The following CHD7 variants were observed in gnomAD, a reference collection of about 807,000 sequenced individuals.
CHD7 encodes the protein ATP-dependent chromatin remodeler CHD7.
Under a neutral mutation model 307.3 loss-of-function variants are expected in CHD7, and 24 were observed. That is an observed-to-expected ratio of 0.08 (90% CI 0.06 to 0.11). The LOEUF (loss-of-function observed/expected upper bound fraction) is 0.11. Ranked by LOEUF, CHD7 falls within the 10% of genes least tolerant of loss-of-function variation. The pLI is 1.00. For synonymous variants in CHD7, 1,363 were observed against 1,349.9 expected (o/e 1.01, Z -0.21); for missense variants, 3,106 against 3,727.1 (o/e 0.83, Z 4.34).
intron 1 of CHD7, among the ~76,000 whole-genome samples, chr8:60,708,586 G>C (rs748415569): frequency 2.0e-5 from 3 of 152,110 alleles, no homozygotes; most frequent in East Asian, 1.9e-4. Flanking sequence ...CTAACTGTAG[G>C]ATCTGCTCTT....
At chr8:60,824,061 T>A (rs1306417905) in intron 13 of CHD7, 45 bp downstream of exon 13, 1 of 1,546,348 alleles carries the variant, frequency 6.5e-7, no homozygotes, top group Admixed American at 1.7e-5. Context: ...AATAGAATTG[T>A]TGCTGACTTG....
chr8:60,747,819 G>A (rs1379944651), intron 2 of CHD7, among the ~76,000 whole-genome samples: 2 of 152,208 alleles, frequency 1.3e-5, no homozygotes, highest in Admixed American at 1.3e-4. Context: ...AGGGTGTCAG[G>A]ACTTCATTTC....
chr8:60,700,464 A>G (rs191284434), intron 1 of CHD7, among the ~76,000 whole-genome samples: 25 of 152,342 alleles, frequency 1.6e-4, no homozygotes, highest in Middle Eastern at 3.4e-3. Context: ...GATAAAGACA[A>G]TATTAAGCCC....
In CHD7 at chr8:60,865,882, A is replaced by G; in HGVS notation, c.8943A>G (p.Leu2981=). Residue 2981 remains leucine, a synonymous_variant, in exon 38 of 38, where the codon CTA becomes CTG. Transcript: ENST00000423902. This position sits in a 1 kb window ranked among gnomAD's most constrained non-coding sequence, Gnocchi z 4.3. ...LEDEIAQGEE[L]DSLDGGDEIE... is the part of the protein sequence containing the mutation. ...ACGAAATAGCACAGGGTGAAGAGCT[A>G]GACTCACTTGATGGGGGGGATGAAA... 1 of 1,611,444 alleles carries G rather than the reference A, an allele frequency of 6.2e-7. No homozygotes were observed.
chr8:60,764,154 AT>A, intron 2 of CHD7, among the ~76,000 whole-genome samples: 1 of 151,602 alleles, frequency 6.6e-6, no homozygotes, highest in Admixed American at 6.6e-5. Flanking sequence ...CGCCCAGATA[AT>A]TTTTTTTGTA....
chr8:60,863,149 T>C (rs1377995563), intron 37 of CHD7: 1 of 154,902 alleles, frequency 6.5e-6, no homozygotes, highest in Non-Finnish European at 1.4e-5. Flanking sequence ...TAACATTCTG[T>C]TGATCTTAAC....
chr8:60,853,487 T>C lies in CHD7; in HGVS notation c.6762T>C (p.Ser2254=). Residue 2254 remains serine (S), a synonymous_variant, in exon 31 of 38, where the codon TCT becomes TCC. Coordinates refer to ENST00000423902, the MANE Select transcript of CHD7 (RefSeq NM_017780.4). Reference sequence around the variant, plus strand: ...AGGATGACGATAAGTCGGAAGAGTCTTCCCAGCCCGAAGGTAAGGCCTTAC... The same window carrying C: ...AGGATGACGATAAGTCGGAAGAGTCCTCCCAGCCCGAAGGTAAGGCCTTAC... ...KLEDDDKSEE[S]SQPEAGAVSR... is the part of the protein sequence containing the mutation. The C allele has an allele frequency of 6.6e-7, 1 of 1,512,440 alleles. No homozygotes were observed. Among genetic ancestry groups the C allele is most frequent in the South Asian group, 1.4e-5 (1 of 72,354 alleles). The allele number at this position is 1,512,440 out of a possible 1,614,324, so 93.7% of individuals were successfully genotyped here.
At chr8:60,816,111 C>CT (rs1213526326) in intron 7 of CHD7, among the ~76,000 whole-genome samples, 1 of 71,296 alleles carries the variant, frequency 1.4e-5, no homozygotes, top group African/African-American at 5.1e-5. Context: ...GTCTGTCTGT[C>CT]TGTCTCTCTC....
intron 1 of CHD7, among the ~76,000 whole-genome samples, chr8:60,728,677 A>G (rs982836654): frequency 2.6e-5 from 4 of 152,200 alleles, no homozygotes; most frequent in African/African-American, 9.6e-5. Flanking sequence ...TATAATGGGG[A>G]CATTGAAATG....
chr8:60,866,051 A>C lies in CHD7; in HGVS notation c.*118A>C, dbSNP rs1586469858. ...AAGCTGTTCTGTAACATAGTGTAGC[A>C]AAAAAAAAAGTTCAAGTCATGTTAT... On this transcript the variant is annotated 3_prime_UTR_variant, in exon 38 of 38. Coordinates refer to ENST00000423902, the MANE Select transcript of CHD7 (RefSeq NM_017780.4). 1.6e-6 allele frequency: 1 copy of C among 619,016 alleles called. No individual in the cohort carries two copies. The highest frequency in any genetic ancestry group is 3.6e-5 in the East Asian group (1 of 27,744). The allele number at this position is 619,016 out of a possible 1,614,324, so 38.3% of individuals were successfully genotyped here.
chr8:60,832,844 G>A (rs1363746522), intron 15 of CHD7, among the ~76,000 whole-genome samples: 3 of 152,120 alleles, frequency 2.0e-5, no homozygotes, highest in Non-Finnish European at 4.4e-5. Flanking sequence ...ATTTGTTCGC[G>A]AGGAGCCTCT....
chr8:60,811,181 T>C (rs1812789727), intron 7 of CHD7, among the ~76,000 whole-genome samples: 1 of 152,216 alleles, frequency 6.6e-6, no homozygotes, highest in African/African-American at 2.4e-5. Context: ...AGTATGTTTC[T>C]TTAGTTTTGG....
intron 2 of CHD7, among the ~76,000 whole-genome samples, chr8:60,780,774 A>G (rs985480713): frequency 6.6e-6 from 1 of 152,096 alleles, no homozygotes; most frequent in Non-Finnish European, 1.5e-5. Flanking sequence ...TTTTTACTGT[A>G]TTAACTAAAG....
Position 60,795,153 on chromosome 8 carries a change from G to A in CHD7, c.2238+26G>A, listed in dbSNP as rs778021246. 1.9e-6 allele frequency: 3 copies of A among 1,606,528 alleles called. No homozygotes were observed. In the South Asian group the frequency reaches 3.4e-5, roughly 18 times the overall value. On this transcript the variant is annotated intron_variant, in intron 4 of 37. Coordinates refer to ENST00000423902, the MANE Select transcript of CHD7 (RefSeq NM_017780.4). ...GTAATACAATTATTGTGATTCCCGA[G>A]CCTTGGTTATTTGGCATGGGTAACT... is the stretch of plus-strand genomic sequence containing the variant.
intron 1 of CHD7, among the ~76,000 whole-genome samples, chr8:60,719,376 T>TTAGA (rs1354038760): frequency 4.6e-5 from 7 of 152,200 alleles, no homozygotes. Context: ...ATTGTTAGAT[T>TTAGA]TAGATAGATA....
chr8:60,852,186 C>A lies in CHD7; in HGVS notation c.5833C>A (p.Arg1945=), dbSNP rs757160222. 1.1e-5 allele frequency: 17 copies of A among 1,613,782 alleles called. No homozygotes were observed. Among genetic ancestry groups the A allele is most frequent in the Non-Finnish European group, 1.3e-5 (15 of 1,179,888 alleles). The part of the protein sequence containing the change: ...MKTDRRRRRP[R]EEVRALEAER... ...GACTGACCGGCGCAGACGGCGGCCT[C>A]GAGAGGAAGTGAGAGCTCTGGAAGC... The change falls in exon 29 of 38, where the codon CGA becomes AGA. Residue 1945 remains arginine, a synonymous_variant. Transcript: ENST00000423902.
At chr8:60,714,165 G>A (rs564350654) in intron 1 of CHD7, among the ~76,000 whole-genome samples, 8 of 151,986 alleles carry the variant, frequency 5.3e-5, no homozygotes, top group African/African-American at 1.4e-4. Context: ...ACATGAGGAC[G>A]GCGAGCGGGC....
chr8:60,714,027 A>G (rs747107581), intron 1 of CHD7, among the ~76,000 whole-genome samples: 23 of 152,148 alleles, frequency 1.5e-4, no homozygotes, highest in Non-Finnish European at 2.9e-4. Flanking sequence ...CTTCATTCCA[A>G]AACCCCAGAT....
chr8:60,788,775 G>T (rs1811629574), intron 3 of CHD7, among the ~76,000 whole-genome samples: 1 of 152,184 alleles, frequency 6.6e-6, no homozygotes, highest in Non-Finnish European at 1.5e-5. Flanking sequence ...TGGATATCTT[G>T]GTGTGAAGTT....
Sources: allele counts gnomAD v4.1 joint callset (sites outside exome capture counted in the v4.1 genomes callset), GRCh38; gene constraint gnomAD v4.1.1; non-coding constraint Gnocchi (gnomAD v3.1); transcripts MANE v1.5; gene names NCBI Gene and HGNC (gene_info 2026-07-23, HGNC 2026-07-21).